Variants in AP3B1 observed in about 807,000 individuals in gnomAD.
The protein encoded by AP3B1 is adaptor related protein complex 3 subunit beta 1.
In AP3B1, 61 loss-of-function variants were observed where a neutral mutation model predicts 132.5. The observed-to-expected ratio is 0.46, with a 90% CI of 0.37 to 0.57. AP3B1 has a LOEUF of 0.57. Among genes scored for constraint, AP3B1 ranks in the 20% least tolerant of loss-of-function variants. The pLI is 0.00. For missense variants in AP3B1, 1,120 were observed against 1,289.4 expected, an observed-to-expected ratio of 0.87 and a Z score of 2.01; for synonymous variants, 388 against 438.3, an observed-to-expected ratio of 0.89 and a Z score of 1.43.
intron 22 of AP3B1, among the ~76,000 whole-genome samples, chr5:78,084,509 G>A (rs1750146936): frequency 9.2e-6 from 1 of 108,430 alleles, no homozygotes; most frequent in African/African-American, 3.9e-5. Context: ...GGGCGACAGA[G>A]CCAGACCCTG....
intron 8 of AP3B1, among the ~76,000 whole-genome samples, chr5:78,179,097 G>A (rs1003829172): frequency 3.3e-5 from 5 of 151,992 alleles, no homozygotes; most frequent in Non-Finnish European, 5.9e-5. Context: ...AAACTCTCCT[G>A]AATTTTAAAT....
At chr5:78,126,012 G>A (rs1056991560) in intron 17 of AP3B1, among the ~76,000 whole-genome samples, 6 of 151,868 alleles carry the variant, frequency 4.0e-5, no homozygotes, top group Non-Finnish European at 5.9e-5. Context: ...GCAGCAAGGA[G>A]GGAGAGATAA....
intron 24 of AP3B1, among the ~76,000 whole-genome samples, chr5:78,026,905 C>T (rs1341557586): frequency 6.6e-6 from 1 of 152,164 alleles, no homozygotes; most frequent in African/African-American, 2.4e-5. Flanking sequence ...AAGTTGGCCA[C>T]TTGCATTTAT....
At chr5:78,276,463 G>C (rs140072723) in intron 1 of AP3B1, among the ~76,000 whole-genome samples, 34 of 152,276 alleles carry the variant, frequency 2.2e-4, no homozygotes, top group Admixed American at 4.6e-4. Context: ...TGGGGGAGGT[G>C]ACTCATGCCT....
intron 22 of AP3B1, among the ~76,000 whole-genome samples, chr5:78,088,636 T>C (rs576704950): frequency 1.3e-5 from 2 of 152,328 alleles, no homozygotes; most frequent in South Asian, 4.1e-4. Context: ...ACCAGATCTA[T>C]TGAAGCTACC....
chr5:78,049,247 ATCTT>A (rs777237376), intron 22 of AP3B1, among the ~76,000 whole-genome samples: 6 of 152,168 alleles, frequency 3.9e-5, no homozygotes, highest in Non-Finnish European at 7.4e-5. Context: ...TCCCTTGGGC[ATCTT>A]GGGGAGAAAG....
chr5:78,039,733 G>C (rs372870220), intron 22 of AP3B1, among the ~76,000 whole-genome samples: 32 of 146,134 alleles, frequency 2.2e-4, no homozygotes, highest in African/African-American at 7.7e-4. Context: ...AGCCGAGATC[G>C]CGCCACTGCA....
intron 25 of AP3B1, among the ~76,000 whole-genome samples, chr5:78,019,229 T>C (rs1242737027): frequency 6.6e-6 from 1 of 152,124 alleles, no homozygotes; most frequent in Non-Finnish European, 1.5e-5. Context: ...ATTCTCCAAG[T>C]GCACCTCTCT....
At chr5:78,198,285 G>A (rs1403418717) in intron 7 of AP3B1, among the ~76,000 whole-genome samples, 1 of 152,160 alleles carries the variant, frequency 6.6e-6, no homozygotes, top group African/African-American at 2.4e-5. Flanking sequence ...AACACATCAT[G>A]ACATTCCCAC....
chr5:78,252,401 A>T (rs1218546932), intron 2 of AP3B1, among the ~76,000 whole-genome samples: 1 of 152,170 alleles, frequency 6.6e-6, no homozygotes, highest in African/African-American at 2.4e-5. Context: ...CAATTCTAGG[A>T]CTTGGCTCTT....
Position 78,139,574 on chromosome 5 carries a change from T to A in AP3B1, c.1650+1569A>T, listed in dbSNP as rs545279714. The stretch of plus-strand genomic sequence containing the variant: ...TTATTTGCAATTATCTGGTTACAAA[T>A]CTTGTAGATGAATCAGCAAAAGCTA... On this transcript the variant is annotated intron_variant, in intron 15 of 26. Transcript: ENST00000255194. Among the ~76,000 whole-genome samples the A allele has an allele frequency of 8.7e-4, 132 of 152,326 alleles. 6 individuals carry two copies. In the South Asian group the frequency reaches 0.027, roughly 31 times the overall value.
In AP3B1 at chr5:78,193,661, T is replaced by A. The variant is rs866462588; in HGVS notation, c.787-11999A>T. ...TATTCTATATCCTCAAATATATACATATTTATATATATTTATATATTTACA... is the reference window on the plus strand; with the variant it reads ...TATTCTATATCCTCAAATATATACAAATTTATATATATTTATATATTTACA... On this transcript the variant is annotated intron_variant, in intron 7 of 26. Transcript: ENST00000255194. Among the ~76,000 whole-genome samples, 45 of 146,740 alleles carry A rather than the reference T, an allele frequency of 3.1e-4. No individual in the cohort carries two copies. In the Middle Eastern group the frequency reaches 0.015, roughly 48 times the overall value.
At position 78,039,026 on chromosome 5, in the gene AP3B1, T is replaced by C; in HGVS notation, c.2809+17A>G. The C allele has an allele frequency of 2.1e-6, 3 of 1,435,926 alleles. No homozygotes were observed. Among genetic ancestry groups the C allele is most frequent in the Admixed American group, 3.4e-5 (2 of 58,476 alleles). 88.9% of individuals were successfully genotyped at this position (1,435,926 alleles called of 1,614,324 possible). A position where few individuals can be genotyped will look rare whatever the true frequency, so the allele number is the denominator to read the frequency against. On this transcript the variant is annotated intron_variant, in intron 23 of 26. Coordinates refer to ENST00000255194, the MANE Select transcript of AP3B1 (RefSeq NM_003664.5). ...GATCAAATATAGTTAAGGTTTTAAA[T>C]GAGAATTAATATTTACCTATTGGAT... is the stretch of plus-strand genomic sequence containing the variant.
chr5:78,193,916 G>A (rs113848842), intron 7 of AP3B1, among the ~76,000 whole-genome samples: 2,130 of 150,880 alleles, frequency 0.014, 56 homozygotes, highest in African/African-American at 0.049. Context: ...CACCACACCC[G>A]GCTAATTTTT....
Position 78,020,722 on chromosome 5 carries a change from T to G in AP3B1, c.2962A>C (p.Met988Leu), listed in dbSNP as rs1294753162. ...PVGELLLPVA[M>L]SEKDFKKEQG... Reference sequence around the variant, plus strand: ...TCTTTCTTAAAATCTTTCTCTGACATGGCCACAGGTAAAAGCAGTTCTCCA... The same window carrying G: ...TCTTTCTTAAAATCTTTCTCTGACAGGGCCACAGGTAAAAGCAGTTCTCCA... The change falls in exon 25 of 27, where the codon ATG becomes CTG. Residue 988 changes from methionine to leucine, a missense_variant. Met to Leu is a conservative substitution (Grantham distance 15). Around this residue, in one of 3 missense-constraint regions of AP3B1, gnomAD observed 906 missense variants for 997.1 expected, o/e 0.91. Coordinates refer to ENST00000255194, the MANE Select transcript of AP3B1 (RefSeq NM_003664.5). 4 of 1,612,622 alleles carry G rather than the reference T, an allele frequency of 2.5e-6. No individual in the cohort carries two copies. The African/African-American group carries it at 5.3e-5, about 22-fold the overall frequency.
intron 17 of AP3B1, among the ~76,000 whole-genome samples, 185 bp downstream of exon 17, chr5:78,127,845 C>T (rs1752524933): frequency 6.6e-6 from 1 of 152,042 alleles, no homozygotes; most frequent in Admixed American, 6.6e-5. Context: ...AGTACATGTA[C>T]AATGGCATAG....
intron 16 of AP3B1, 35 bp from the exon 17 acceptor site, chr5:78,128,195 T>A: frequency 1.3e-6 from 2 of 1,510,898 alleles, no homozygotes; most frequent in Non-Finnish European, 1.8e-6. Context: ...AAATAAACAA[T>A]ATGAGCTGTA....
intron 22 of AP3B1, chr5:78,044,088 GA>G: frequency 3.1e-6 from 1 of 324,496 alleles, no homozygotes. Flanking sequence ...ATATCTGCCT[GA>G]AAGGCAAGTT....
At chr5:78,115,719 T>A (rs1751796769) in intron 18 of AP3B1, among the ~76,000 whole-genome samples, 1 of 152,144 alleles carries the variant, frequency 6.6e-6, no homozygotes, top group African/African-American at 2.4e-5. Context: ...GAGATAAGTA[T>A]AAAATGAAAG....
Sources: allele counts gnomAD v4.1 joint callset (sites outside exome capture counted in the v4.1 genomes callset), GRCh38; gene constraint gnomAD v4.1.1; regional missense constraint gnomAD v4.1.1; transcripts MANE v1.5; gene names NCBI Gene and HGNC (gene_info 2026-07-23, HGNC 2026-07-21).